Variants in NCOA3 observed in about 807,000 individuals in gnomAD.
NCOA3 encodes nuclear receptor coactivator 3, also known as CBP-interacting protein.
In NCOA3, 51 loss-of-function variants were observed where a neutral mutation model predicts 158.8. The observed-to-expected ratio is 0.32, with a 90% CI of 0.26 to 0.41. The LOEUF (loss-of-function observed/expected upper bound fraction) is 0.41. Among genes scored for constraint, NCOA3 ranks in the 10% least tolerant of loss-of-function variants. NCOA3 has a pLI of 1.00. For missense variants in NCOA3, 1,510 were observed against 1,746.6 expected, an observed-to-expected ratio of 0.86 and a Z score of 2.41; for synonymous variants, 537 against 592.4, an observed-to-expected ratio of 0.91 and a Z score of 1.36.
chr20:47,575,819 G>A (rs2085365069), intron 1 of NCOA3, among the ~76,000 whole-genome samples: 1 of 152,134 alleles, frequency 6.6e-6, no homozygotes, highest in Non-Finnish European at 1.5e-5. Context: ...TGTTCATTTA[G>A]GATTTGACTA....
Position 47,639,739 on chromosome 20 carries a change from C to G in NCOA3, c.2870C>G (p.Ser957Cys), listed in dbSNP as rs778964948. ...TTACCCAGACCTGCACTGGGTGGCT[C>G]TATTCCCACATTGCCTCTTCGGTCT... ...TSLPRPALGG[S>C]IPTLPLRSNS... The change falls in exon 15 of 23, where the codon TCT (serine) becomes TGT (cysteine). Residue 957 changes from serine (S) to cysteine (C), a missense_variant. Physicochemically the swap from Ser to Cys is moderately radical, Grantham distance 112. Around this residue, in one of 4 missense-constraint regions of NCOA3, gnomAD observed 1,017 missense variants for 1,098.3 expected, o/e 0.93. Transcript: ENST00000371998. The G allele has an allele frequency of 4.3e-6, 7 of 1,614,094 alleles. No homozygotes were observed. In the South Asian group the frequency reaches 6.6e-5, roughly 15 times the overall value.
chr20:47,563,612 C>T (rs1216155976), intron 1 of NCOA3, among the ~76,000 whole-genome samples: 1 of 152,138 alleles, frequency 6.6e-6, no homozygotes, highest in African/African-American at 2.4e-5. Context: ...CATGGCTGGG[C>T]ACAGTAGCTC....
At chr20:47,652,807 G>GT (rs1439710552) in intron 21 of NCOA3, 124 bp from the exon 22 acceptor site, 1 of 1,204,682 alleles carries the variant, frequency 8.3e-7, no homozygotes, top group Non-Finnish European at 1.2e-6. Flanking sequence ...CTGTCAGGGA[G>GT]TTTTCTCTAA....
chr20:47,533,589 C>G (rs1009888225), intron 1 of NCOA3, among the ~76,000 whole-genome samples: 4 of 152,100 alleles, frequency 2.6e-5, no homozygotes, highest in African/African-American at 9.7e-5. Flanking sequence ...ATAAGACCCT[C>G]CAGCAGTCAT....
chr20:47,555,958 T>C (rs528080888), intron 1 of NCOA3, among the ~76,000 whole-genome samples: 4,346 of 149,316 alleles, frequency 0.029, 108 homozygotes, highest in South Asian at 0.087. Flanking sequence ...TTTTTTTTTT[T>C]CTGAGGCAGA....
chr20:47,602,329 A>G (rs2085878069), intron 2 of NCOA3, among the ~76,000 whole-genome samples: 1 of 152,200 alleles, frequency 6.6e-6, no homozygotes, highest in Admixed American at 6.5e-5. Flanking sequence ...TTGCCAAGCT[A>G]TTTATAGGGC....
chr20:47,608,452 A>G (rs2085985651), intron 2 of NCOA3, among the ~76,000 whole-genome samples: 1 of 152,134 alleles, frequency 6.6e-6, no homozygotes, highest in East Asian at 1.9e-4. Flanking sequence ...AGCCTGGGAA[A>G]CATAGCAAGA....
In NCOA3 at chr20:47,548,176, T is replaced by C. The variant is rs576454328; in HGVS notation, c.-98-35007T>C. 3.3e-5 allele frequency among the ~76,000 whole-genome samples: 5 copies of C among 152,006 alleles called. No homozygotes were observed. In the South Asian group the frequency reaches 1.0e-3, roughly 32 times the overall value. On this transcript the variant is annotated intron_variant, in intron 1 of 22. Transcript: ENST00000371998. ...AGGAATTGTGAGTTACCACCTGTCA[T>C]ATATATAAGAGAATTTCTTATTTGT...
intron 1 of NCOA3, among the ~76,000 whole-genome samples, chr20:47,563,905 GAAAGAAA>G (rs1568685777): frequency 2.4e-4 from 34 of 143,284 alleles, no homozygotes; most frequent in African/African-American, 8.6e-4. Flanking sequence ...AAAAAAAAAA[GAAAGAAA>G]AAAGAAAAAG....
chr20:47,636,807 C>A (rs761985719), intron 12 of NCOA3, 45 bp downstream of exon 12: 2 of 1,501,642 alleles, frequency 1.3e-6, no homozygotes, highest in Non-Finnish European at 1.8e-6. Flanking sequence ...CATCATTTTT[C>A]GGTGTTAGAT....
intron 6 of NCOA3, among the ~76,000 whole-genome samples, 183 bp from the exon 7 acceptor site, chr20:47,627,378 G>A (rs750155215): frequency 2.0e-5 from 3 of 152,186 alleles, no homozygotes; most frequent in African/African-American, 7.2e-5. Flanking sequence ...TACAAAATAT[G>A]CAGTGAGATT....
intron 4 of NCOA3, among the ~76,000 whole-genome samples, chr20:47,624,969 T>C (rs1357281243): frequency 2.0e-5 from 3 of 151,896 alleles, no homozygotes; most frequent in African/African-American, 7.3e-5. Flanking sequence ...GATGGGGTTT[T>C]GCCATGTTGG....
chr20:47,621,654 A>ATT (rs749582388), intron 2 of NCOA3, among the ~76,000 whole-genome samples: 15 of 119,778 alleles, frequency 1.3e-4, no homozygotes, highest in Non-Finnish European at 1.7e-4. Flanking sequence ...CATCAGTCAA[A>ATT]TTTTTTTTTT....
intron 2 of NCOA3, among the ~76,000 whole-genome samples, chr20:47,618,126 A>G (rs997087375): frequency 1.3e-5 from 2 of 152,010 alleles, no homozygotes; most frequent in African/African-American, 2.4e-5. Flanking sequence ...AATCTCAGCT[A>G]CTCGGGAGGC....
rs2146353825 is a variant in NCOA3 at position 47,653,654 on chromosome 20, TG to T, written c.*238del. 7.7e-6 allele frequency: 4 copies of T among 519,258 alleles called. No individual in the cohort carries two copies. The South Asian group carries it at 1.5e-4, about 19-fold the overall frequency. The allele number at this position is 519,258 out of a possible 1,614,324, so 32.2% of individuals were successfully genotyped here. A position where few individuals can be genotyped will look rare whatever the true frequency, so the allele number is the denominator to read the frequency against. ...TGTATCATGGTGTTCAAAACAGAAA[TG>T]TTTTTTGGCATTCCACCTCCTAGGG... On this transcript the variant is annotated 3_prime_UTR_variant, in exon 23 of 23. Coordinates refer to ENST00000371998, the MANE Select transcript of NCOA3 (RefSeq NM_181659.3).
At chr20:47,647,675 C>A (rs2086711130) in intron 18 of NCOA3, among the ~76,000 whole-genome samples, 1 of 152,044 alleles carries the variant, frequency 6.6e-6, no homozygotes, top group African/African-American at 2.4e-5. Flanking sequence ...ATCCTTACTG[C>A]TAATAACCAA....
intron 21 of NCOA3, 141 bp downstream of exon 21, chr20:47,652,721 AT>A: frequency 2.0e-6 from 2 of 977,532 alleles, no homozygotes; most frequent in Non-Finnish European, 1.5e-6. Context: ...TGGCTTGTCC[AT>A]TTTGAGAGTC....
chr20:47,647,554 A>G (rs1007693886), intron 18 of NCOA3, among the ~76,000 whole-genome samples, 188 bp downstream of exon 18: 7 of 152,246 alleles, frequency 4.6e-5, no homozygotes, highest in African/African-American at 1.2e-4. Flanking sequence ...AGAATATTCT[A>G]TTTTACAGGT....
chr20:47,635,566 T>G lies in NCOA3; in HGVS notation c.1357T>G (p.Ser453Ala). 6.2e-7 allele frequency: 1 copy of G among 1,614,078 alleles called. No individual in the cohort carries two copies. Among genetic ancestry groups the G allele is most frequent in the South Asian group, 1.1e-5 (1 of 91,070 alleles). The change falls in exon 11 of 23, where the codon TCC becomes GCC. Residue 453 changes from serine (S) to alanine (A), a missense_variant. Physicochemically the swap from Ser to Ala is moderately conservative, Grantham distance 99. Coordinates refer to ENST00000371998, the MANE Select transcript of NCOA3 (RefSeq NM_181659.3). ...TGGGCCAGGCATGCAATCACCATCT[T>G]CCTACCAGAACAACAACTATGGGCT... Reference protein sequence around the residue: ...TPGPGMQSPSSYQNNNYGLNM... With the variant: ...TPGPGMQSPSAYQNNNYGLNM...
Sources: gnomAD v4.1 joint callset for allele counts (sites outside exome capture counted in the v4.1 genomes callset) on GRCh38, gnomAD v4.1.1 for gene constraint, gnomAD v4.1.1 regional missense constraint, MANE v1.5 for transcripts, NCBI Gene and HGNC (gene_info 2026-07-23, HGNC 2026-07-21) for gene names.